Variants in HIP1 observed in about 807,000 individuals in gnomAD.
The protein encoded by HIP1 is huntingtin-interacting protein 1.
Under a neutral mutation model 147.6 loss-of-function variants are expected in HIP1, and 65 were observed. The observed-to-expected ratio is 0.44, with a 90% CI of 0.36 to 0.54. HIP1 has a LOEUF of 0.54. HIP1 is among the 20% of genes least tolerant of loss of function. The pLI, the probability that HIP1 is intolerant of heterozygous loss-of-function variation, is 0.00. For synonymous variants in HIP1, 479 were observed against 504.0 expected (o/e 0.95, Z 0.67); for missense variants, 1,061 against 1,299.6 (o/e 0.82, Z 2.82).
At position 75,561,182 on chromosome 7, in the gene HIP1, G is replaced by A. The variant is rs764335887; in HGVS notation, c.1191+147C>T. ...TTGCCCAGGCTGGTCTCGAACTCCC[G>A]ACCTCAGGTAATCCTCCTGCCTTGG... On this transcript the variant is annotated intron_variant, in intron 13 of 30. Transcript: ENST00000336926. 1.2e-3 allele frequency: 883 copies of A among 710,462 alleles called. 2 individuals carry two copies. Among genetic ancestry groups the A allele is most frequent in the Non-Finnish European group, 1.4e-3 (523 of 385,794 alleles). 44.0% of individuals were successfully genotyped at this position (710,462 alleles called of 1,614,324 possible).
At chr7:75,699,611 C>A (rs1554519039) in intron 1 of HIP1, among the ~76,000 whole-genome samples, 1 of 152,188 alleles carries the variant, frequency 6.6e-6, no homozygotes. Context: ...AGAATCCAGC[C>A]CTCGAGACGC....
chr7:75,696,713 G>A (rs1554518802), intron 1 of HIP1, among the ~76,000 whole-genome samples: 2 of 150,402 alleles, frequency 1.3e-5, no homozygotes, highest in Non-Finnish European at 3.0e-5. Flanking sequence ...TGATTCTTGT[G>A]CCTCAACCTC....
At chr7:75,624,445 A>G (rs1554507681) in intron 1 of HIP1, among the ~76,000 whole-genome samples, 2 of 152,092 alleles carry the variant, frequency 1.3e-5, no homozygotes, top group African/African-American at 4.8e-5. Flanking sequence ...GGGGGGAAAA[A>G]GAGCTATGAG....
chr7:75,716,864 G>A (rs1801341001), intron 1 of HIP1, among the ~76,000 whole-genome samples: 1 of 151,252 alleles, frequency 6.6e-6, no homozygotes, highest in African/African-American at 2.4e-5. Context: ...ACTCAGTCTG[G>A]AGTGCAGTGG....
intron 11 of HIP1, 59 bp from the exon 12 acceptor site, chr7:75,562,229 G>A: frequency 9.2e-7 from 1 of 1,089,668 alleles, no homozygotes; most frequent in Non-Finnish European, 1.4e-6. Flanking sequence ...TCTGTGTGTG[G>A]GTCAGTTGAG....
rs1794855079 is a variant in HIP1, at chr7:75,553,266, A to G, written c.2295+187T>C. On this transcript the variant is annotated intron_variant, in intron 22 of 30. Coordinates refer to ENST00000336926, the MANE Select transcript of HIP1 (RefSeq NM_005338.7). ...AGTGATCCTCCTGACTCGGCCTCCCAAAGTGCTGGGATTACACGCATAAAT... is the reference window on the plus strand; with the variant it reads ...AGTGATCCTCCTGACTCGGCCTCCCGAAGTGCTGGGATTACACGCATAAAT... Among the ~76,000 whole-genome samples, 3 of 152,100 alleles carry G rather than the reference A, an allele frequency of 2.0e-5. 1 individual carries two copies. The South Asian group carries it at 6.2e-4, about 32-fold the overall frequency.
chr7:75,586,052 G>T (rs760498123), intron 5 of HIP1, among the ~76,000 whole-genome samples: 1 of 151,870 alleles, frequency 6.6e-6, no homozygotes, highest in Non-Finnish European at 1.5e-5. Context: ...GGTCTTAAGC[G>T]ATCCTCCAGC....
intron 5 of HIP1, among the ~76,000 whole-genome samples, chr7:75,583,903 C>T (rs1445091927): frequency 6.6e-6 from 1 of 151,282 alleles, no homozygotes; most frequent in Non-Finnish European, 1.5e-5. Context: ...GCTGGGATTA[C>T]AGGTGTGAGC....
In HIP1 at chr7:75,542,979, C is replaced by T. The variant is rs782749100; in HGVS notation, c.2767-5G>A. The T allele has an allele frequency of 6.2e-7, 1 of 1,610,446 alleles. No individual in the cohort carries two copies. The highest frequency in any genetic ancestry group is 1.1e-5 in the South Asian group (1 of 90,374). On this transcript the variant is annotated splice_polypyrimidine_tract_variant and splice_region_variant and intron_variant, in intron 27 of 30. Transcript: ENST00000336926. Reference sequence around the variant, plus strand: ...GCTGTCCTTATCAGCTTTCACCTACCAGGACAAAGCAGATTTAGGTTCATA... The same window carrying T: ...GCTGTCCTTATCAGCTTTCACCTACTAGGACAAAGCAGATTTAGGTTCATA...
intron 1 of HIP1, chr7:75,654,734 C>G (rs950895860): frequency 6.6e-5 from 10 of 152,252 alleles, no homozygotes; most frequent in African/African-American, 2.4e-4. Context: ...AAAAATTAAA[C>G]AGGGGCTGGC....
intron 28 of HIP1, 135 bp from the exon 29 acceptor site, chr7:75,542,115 G>T (rs1794345835): frequency 5.5e-6 from 4 of 728,182 alleles, no homozygotes; most frequent in African/African-American, 1.7e-5. Flanking sequence ...TAAGTGAGGG[G>T]GCCAGACAAC....
At chr7:75,605,860 A>AT (rs1797204366) in intron 1 of HIP1, among the ~76,000 whole-genome samples, 1 of 150,948 alleles carries the variant, frequency 6.6e-6, no homozygotes, top group Admixed American at 6.6e-5. Flanking sequence ...AATTATTATT[A>AT]TTTTTTGGAG....
chr7:75,720,597 A>C (rs953888157), intron 1 of HIP1, among the ~76,000 whole-genome samples: 2 of 152,220 alleles, frequency 1.3e-5, no homozygotes, highest in Non-Finnish European at 2.9e-5. Context: ...ATAATCTCTC[A>C]GGTCCCTGCC....
chr7:75,631,717 G>A (rs1206202807), intron 1 of HIP1, among the ~76,000 whole-genome samples: 1 of 152,156 alleles, frequency 6.6e-6, no homozygotes, highest in Non-Finnish European at 1.5e-5. Context: ...CCGGAGCAGG[G>A]GGAATCTTCT....
intron 1 of HIP1, among the ~76,000 whole-genome samples, chr7:75,623,342 C>T (rs782411987): frequency 6.6e-5 from 10 of 152,002 alleles, no homozygotes; most frequent in Non-Finnish European, 1.0e-4. Flanking sequence ...AGAGGGCAGC[C>T]GCTGGGAGGA....
At position 75,647,436 on chromosome 7, in the gene HIP1, A is replaced by G. The variant is rs529539265; in HGVS notation, c.121-48189T>C. On this transcript the variant is annotated intron_variant, in intron 1 of 30. Coordinates refer to ENST00000336926, the MANE Select transcript of HIP1 (RefSeq NM_005338.7). ...AAACAAAACAAAAAACTGTGCACAA[A>G]CCATGTGCCTCAGCCTCAGTTTTAT... 2.6e-5 allele frequency among the ~76,000 whole-genome samples: 4 copies of G among 151,666 alleles called. No homozygotes were observed. The South Asian group carries it at 8.3e-4, about 32-fold the overall frequency.
intron 1 of HIP1, among the ~76,000 whole-genome samples, chr7:75,680,482 A>C (rs1378318205): frequency 1.3e-5 from 2 of 152,180 alleles, no homozygotes; most frequent in African/African-American, 4.8e-5. Context: ...CTCTCGCCTC[A>C]TTCAAATCTT....
At position 75,655,673 on chromosome 7, in the gene HIP1, T is replaced by C. The variant is rs560514568; in HGVS notation, c.121-56426A>G. Among the ~76,000 whole-genome samples the C allele has an allele frequency of 2.6e-5, 4 of 152,260 alleles. 1 individual carries two copies. The South Asian group carries it at 8.3e-4, about 32-fold the overall frequency. Reference sequence around the variant, plus strand: ...GATAAATATTGTATGAGTCCACTTATATGAGGATCTAGAATAAGCAAAGTC... The same window carrying C: ...GATAAATATTGTATGAGTCCACTTACATGAGGATCTAGAATAAGCAAAGTC... On this transcript the variant is annotated intron_variant, in intron 1 of 30. Coordinates refer to ENST00000336926, the MANE Select transcript of HIP1 (RefSeq NM_005338.7).
intron 1 of HIP1, among the ~76,000 whole-genome samples, chr7:75,614,846 G>T (rs587700248): frequency 6.6e-6 from 1 of 151,876 alleles, no homozygotes; most frequent in Non-Finnish European, 1.5e-5. Context: ...CGATCTCGGC[G>T]CATTGCAACC....
Sources: allele counts gnomAD v4.1 joint callset (sites outside exome capture counted in the v4.1 genomes callset), GRCh38; gene constraint gnomAD v4.1.1; transcripts MANE v1.5; gene names NCBI Gene and HGNC (gene_info 2026-07-23, HGNC 2026-07-21).